Variants in PLCB1 observed in about 807,000 individuals in gnomAD.
PLCB1 encodes the protein 1-phosphatidylinositol 4,5-bisphosphate phosphodiesterase beta-1.
PLCB1 carries 46 observed loss-of-function variants against 161.8 expected under a neutral mutation model. That is an observed-to-expected ratio of 0.28 (90% CI 0.22 to 0.36). The LOEUF is 0.36. Among genes scored for constraint, PLCB1 ranks in the 10% least tolerant of loss-of-function variants. The pLI, the probability that PLCB1 is intolerant of heterozygous loss-of-function variation, is 1.00. For missense variants in PLCB1, 1,016 were observed against 1,472.5 expected (o/e 0.69, Z 5.07); for synonymous variants, 517 against 503.7 (o/e 1.03, Z -0.35).
chr20:8,852,746 G>A lies in PLCB1; in HGVS notation c.3424-28876G>A, dbSNP rs537835639. Among the ~76,000 whole-genome samples the A allele has an allele frequency of 4.6e-5, 7 of 152,236 alleles. No individual in the cohort carries two copies. In the South Asian group the frequency reaches 6.2e-4, roughly 14 times the overall value. ...TCTCCAATTTTCTCAACTCTTTCCC[G>A]GTTTGTAATGTTTATTGTTTTCTTA... is the stretch of plus-strand genomic sequence containing the variant. On this transcript the variant is annotated intron_variant, in intron 31 of 31. Coordinates refer to ENST00000338037, the MANE Select transcript of PLCB1 (RefSeq NM_015192.4).
chr20:8,295,491 T>C (rs571850290), intron 2 of PLCB1, among the ~76,000 whole-genome samples: 3 of 152,276 alleles, frequency 2.0e-5, no homozygotes, highest in African/African-American at 7.2e-5. Context: ...ATTTCAGTCA[T>C]GTTTACATCT....
chr20:8,167,060 G>A (rs747178056), intron 2 of PLCB1, among the ~76,000 whole-genome samples: 9 of 152,050 alleles, frequency 5.9e-5, no homozygotes, highest in African/African-American at 1.2e-4. Flanking sequence ...TGTAGCATTC[G>A]CCAATTTCCA....
intron 21 of PLCB1, among the ~76,000 whole-genome samples, chr20:8,740,114 T>G (rs1414918112): frequency 2.0e-5 from 3 of 152,220 alleles, no homozygotes; most frequent in Admixed American, 6.5e-5. Flanking sequence ...TGGAATTATC[T>G]TTTGTGGGAA....
intron 10 of PLCB1, among the ~76,000 whole-genome samples, chr20:8,694,068 A>G (rs1047984237): frequency 3.9e-5 from 6 of 152,254 alleles, no homozygotes; most frequent in South Asian, 4.1e-4. Context: ...AGCTATATTT[A>G]TTCAATATAT....
chr20:8,441,510 T>C (rs13433104), intron 3 of PLCB1, among the ~76,000 whole-genome samples: 388 of 152,354 alleles, frequency 2.5e-3, no homozygotes, highest in Non-Finnish European at 4.5e-3. Context: ...GTAATTCCAA[T>C]TTATATCAAT....
At chr20:8,284,283 T>C (rs1038569216) in intron 2 of PLCB1, among the ~76,000 whole-genome samples, 1 of 152,168 alleles carries the variant, frequency 6.6e-6, no homozygotes, top group African/African-American at 2.4e-5. Flanking sequence ...ATGCTTCATA[T>C]ACACATGCAT....
intron 2 of PLCB1, among the ~76,000 whole-genome samples, chr20:8,327,637 T>A (rs1985208549): frequency 6.6e-6 from 1 of 152,224 alleles, no homozygotes; most frequent in Non-Finnish European, 1.5e-5. Context: ...ATAGAAGGCC[T>A]GTTCATCATA....
At chr20:8,563,941 A>G (rs904465812) in intron 3 of PLCB1, among the ~76,000 whole-genome samples, 5 of 152,184 alleles carry the variant, frequency 3.3e-5, no homozygotes, top group South Asian at 2.1e-4. Context: ...TTTAGATTCA[A>G]TGCTATCCCC....
At chr20:8,663,218 CAACATATAGTTGTGTGTGTATACACAT>C (rs898676366) in intron 9 of PLCB1, among the ~76,000 whole-genome samples, 56 of 151,886 alleles carry the variant, frequency 3.7e-4, no homozygotes, top group Middle Eastern at 3.5e-3. Context: ...GATATACACA[CAACATATAGTTGTGTGTGTATACACAT>C]ACACAGAGAC....
intron 26 of PLCB1, among the ~76,000 whole-genome samples, chr20:8,766,021 A>G (rs1982297775): frequency 6.6e-6 from 1 of 152,040 alleles, no homozygotes. Context: ...ATCCTTTGCT[A>G]CCCTGTCTGA....
intron 3 of PLCB1, among the ~76,000 whole-genome samples, chr20:8,592,552 G>T (rs115086802): frequency 6.6e-6 from 1 of 152,266 alleles, no homozygotes; most frequent in African/African-American, 2.4e-5. Flanking sequence ...CTGGATAAGG[G>T]CAGAAAATAT....
chr20:8,274,481 G>A (rs8125486), intron 2 of PLCB1, among the ~76,000 whole-genome samples: 29,061 of 147,644 alleles, frequency 0.2, 3,289 homozygotes, highest in Non-Finnish European at 0.26. Context: ...TACTTGTGTC[G>A]TTTTTTTTTT....
chr20:8,438,184 T>A (rs981679841), intron 3 of PLCB1, among the ~76,000 whole-genome samples: 4 of 152,160 alleles, frequency 2.6e-5, no homozygotes, highest in Admixed American at 2.0e-4. Flanking sequence ...AATAGTGAAA[T>A]GGTGTTTCCA....
At chr20:8,572,624 C>T (rs76639967) in intron 3 of PLCB1, among the ~76,000 whole-genome samples, 3,723 of 152,284 alleles carry the variant, frequency 0.024, 83 homozygotes, top group Middle Eastern at 0.054. Flanking sequence ...GTGAGCAGGG[C>T]AGCAAAGAAC....
At chr20:8,677,022 G>A (rs939680288) in intron 9 of PLCB1, among the ~76,000 whole-genome samples, 1 of 152,104 alleles carries the variant, frequency 6.6e-6, no homozygotes. Context: ...CCAAAAAAAG[G>A]TGGAAATACA....
At chr20:8,425,055 A>G (rs1775196) in intron 3 of PLCB1, among the ~76,000 whole-genome samples, 72,568 of 151,372 alleles carry the variant, frequency 0.48, 17,769 homozygotes, top group African/African-American at 0.52. Flanking sequence ...GGCTGAAGTG[A>G]AGTTACAAAG....
Position 8,628,251 on chromosome 20 carries a change from A to C in PLCB1, c.247-43A>C, listed in dbSNP as rs915933153. 3.4e-6 allele frequency: 5 copies of C among 1,465,848 alleles called. No homozygotes were observed. In the African/African-American group the frequency reaches 6.9e-5, roughly 20 times the overall value. 90.8% of individuals were successfully genotyped at this position (1,465,848 alleles called of 1,614,324 possible). A position where few individuals can be genotyped will look rare whatever the true frequency, so the allele number is the denominator to read the frequency against. Reference sequence around the variant, plus strand: ...GTTGAAGTTATGCTATCACGTTGGAATCTCTAGTTATAGACTAATTATTTT... The same window carrying C: ...GTTGAAGTTATGCTATCACGTTGGACTCTCTAGTTATAGACTAATTATTTT... On this transcript the variant is annotated intron_variant, in intron 3 of 31. Coordinates refer to ENST00000338037, the MANE Select transcript of PLCB1 (RefSeq NM_015192.4).
At chr20:8,797,599 T>A (rs6108193) in intron 31 of PLCB1, among the ~76,000 whole-genome samples, 94,182 of 152,084 alleles carry the variant, frequency 0.62, 30,792 homozygotes, top group East Asian at 0.71. Context: ...AGTGTTTAAT[T>A]TCAGGTTTTG....
At chr20:8,792,761 A>G (rs572356590) in intron 31 of PLCB1, 19 of 389,156 alleles carry the variant, frequency 4.9e-5, no homozygotes, top group African/African-American at 3.8e-4. Flanking sequence ...CTGTGATTTT[A>G]TTAATAAAAT....
Sources: gnomAD v4.1 joint callset for allele counts (sites outside exome capture counted in the v4.1 genomes callset) on GRCh38, gnomAD v4.1.1 for gene constraint, MANE v1.5 for transcripts, NCBI Gene and HGNC (gene_info 2026-07-23, HGNC 2026-07-21) for gene names.